Variants in NMBR observed in about 807,000 individuals in gnomAD.
The protein encoded by NMBR is neuromedin B receptor.
NMBR carries 16 observed loss-of-function variants against 20.5 expected under a neutral mutation model. The ratio of observed to expected loss-of-function variants is 0.78; its 90% CI spans 0.53 to 1.19. The LOEUF (loss-of-function observed/expected upper bound fraction) is 1.19, where lower values mean the gene tolerates loss of function less well. Ranked by LOEUF, NMBR falls within the 50% of genes most tolerant of loss-of-function variation. NMBR has a pLI of 0.00. For synonymous variants in NMBR, 212 were observed against 196.6 expected (o/e 1.08, Z -0.65); for missense variants, 582 against 499.1 (o/e 1.17, Z -1.58).
intron 1 of NMBR, among the ~76,000 whole-genome samples, chr6:142,099,463 A>T (rs1777518972): frequency 6.6e-6 from 1 of 152,128 alleles, no homozygotes; most frequent in Non-Finnish European, 1.5e-5. Flanking sequence ...AGTGCCACAC[A>T]CTTTCAAACG....
At chr6:142,118,660 T>C (rs1414119057) in intron 1 of NMBR, among the ~76,000 whole-genome samples, 1 of 151,994 alleles carries the variant, frequency 6.6e-6, no homozygotes, top group Non-Finnish European at 1.5e-5. Flanking sequence ...AGATTAAAAA[T>C]AGAAAACATT....
intron 1 of NMBR, among the ~76,000 whole-genome samples, chr6:142,105,604 C>T (rs1185094569): frequency 6.6e-6 from 1 of 152,132 alleles, no homozygotes; most frequent in Non-Finnish European, 1.5e-5. Flanking sequence ...AACATGCACA[C>T]ATTTTTATGC....
intron 1 of NMBR, among the ~76,000 whole-genome samples, chr6:142,111,472 G>A (rs577358082): frequency 1.1e-4 from 16 of 152,096 alleles, no homozygotes; most frequent in Admixed American, 5.2e-4. Flanking sequence ...ATGATTTCTC[G>A]GAATTTTCCA....
chr6:142,134,093 T>C (rs1778202132), intron 1 of NMBR: 1 of 560,666 alleles, frequency 1.8e-6, no homozygotes, highest in South Asian at 2.6e-5. Context: ...TCTCTTTAAA[T>C]GTAAAATAAT....
rs75196159 is a variant in NMBR at position 142,116,277 on chromosome 6, T to A, written c.-663-26956A>T. On this transcript the variant is annotated intron_variant, in intron 1 of 3. Transcript: ENST00000258042. ...TCACCCTCTTAGTCTCCCAAAAAGA[T>A]ACCCAAACACATATACCCACATCGA... Among the ~76,000 whole-genome samples the A allele has an allele frequency of 2.1e-3, 312 of 151,998 alleles. 1 individual carries two copies. The highest frequency in any genetic ancestry group is 7.3e-3 in the African/African-American group (301 of 41,496).
chr6:142,084,404 C>A (rs954598759), intron 2 of NMBR, among the ~76,000 whole-genome samples: 1 of 152,094 alleles, frequency 6.6e-6, no homozygotes, highest in Non-Finnish European at 1.5e-5. Context: ...TTTGGTACAA[C>A]ATTATTTTTG....
At chr6:142,142,519 T>C (rs1232402004) in intron 1 of NMBR, among the ~76,000 whole-genome samples, 1 of 152,296 alleles carries the variant, frequency 6.6e-6, no homozygotes, top group East Asian at 1.9e-4. Flanking sequence ...AAATGAGATC[T>C]ACCTAAGCTT....
intron 1 of NMBR, among the ~76,000 whole-genome samples, chr6:142,104,279 A>T (rs1258974133): frequency 1.3e-5 from 2 of 152,260 alleles, no homozygotes; most frequent in Non-Finnish European, 2.9e-5. Flanking sequence ...ATAGCTAAAC[A>T]TATTAGAATT....
intron 2 of NMBR, among the ~76,000 whole-genome samples, chr6:142,080,309 ATC>A (rs1234876653): frequency 7.8e-6 from 1 of 128,648 alleles, no homozygotes; most frequent in Non-Finnish European, 1.6e-5. Flanking sequence ...CTTGCCCTAT[ATC>A]TTTTTTTTTT....
At chr6:142,137,560 C>T (rs1778284450) in intron 1 of NMBR, among the ~76,000 whole-genome samples, 1 of 152,184 alleles carries the variant, frequency 6.6e-6, no homozygotes, top group South Asian at 2.1e-4. Context: ...GAGAGGGCAT[C>T]CCTGTCTTGT....
Position 142,111,306 on chromosome 6 carries a change from A to C in NMBR, c.-663-21985T>G, listed in dbSNP as rs140949400. Among the ~76,000 whole-genome samples, 281 of 152,150 alleles carry C rather than the reference A, an allele frequency of 1.8e-3. 1 individual carries two copies. The highest frequency in any genetic ancestry group is 5.5e-3 in the African/African-American group (227 of 41,520). On this transcript the variant is annotated intron_variant, in intron 1 of 3. Coordinates refer to ENST00000258042, the MANE Select transcript of NMBR (RefSeq NM_002511.4). ...TCACTGAGACACAGGCTTAGCCTTTATACCACCCTACACAACAAAACCTGT... is the reference window on the plus strand; with the variant it reads ...TCACTGAGACACAGGCTTAGCCTTTCTACCACCCTACACAACAAAACCTGT...
intron 1 of NMBR, among the ~76,000 whole-genome samples, chr6:142,105,003 G>A (rs1777633001): frequency 1.3e-5 from 2 of 152,136 alleles, no homozygotes; most frequent in African/African-American, 4.8e-5. Context: ...CATTCTCAAG[G>A]GCGGGAAGAA....
intron 1 of NMBR, among the ~76,000 whole-genome samples, chr6:142,114,409 T>C (rs1777817390): frequency 1.3e-5 from 2 of 152,106 alleles, no homozygotes. Flanking sequence ...ATTTTTTCAG[T>C]AATTGAATGA....
intron 2 of NMBR, among the ~76,000 whole-genome samples, chr6:142,083,877 A>G (rs146875626): frequency 0.012 from 1,873 of 152,302 alleles, 26 homozygotes; most frequent in Non-Finnish European, 0.016. Flanking sequence ...AGTAATACAA[A>G]GCTGAACAAA....
intron 3 of NMBR, among the ~76,000 whole-genome samples, chr6:142,078,237 A>T (rs1381800111): frequency 1.3e-5 from 2 of 152,204 alleles, no homozygotes; most frequent in Admixed American, 6.5e-5. Context: ...TCATATGTGA[A>T]ATTTTTCTGG....
intron 1 of NMBR, among the ~76,000 whole-genome samples, chr6:142,126,270 T>C (rs1778036560): frequency 1.3e-5 from 2 of 151,862 alleles, no homozygotes; most frequent in African/African-American, 4.8e-5. Context: ...TCTGTGTGTG[T>C]GTGTGTGTGT....
chr6:142,084,630 A>G (rs548359720), intron 2 of NMBR, among the ~76,000 whole-genome samples: 13 of 152,330 alleles, frequency 8.5e-5, no homozygotes, highest in Non-Finnish European at 1.0e-4. Flanking sequence ...ACAGTTTAGC[A>G]CTAGGAATCT....
intron 1 of NMBR, among the ~76,000 whole-genome samples, chr6:142,109,069 C>T (rs1777713469): frequency 6.6e-6 from 1 of 152,242 alleles, no homozygotes; most frequent in South Asian, 2.1e-4. Flanking sequence ...TGGGCTTCCA[C>T]AGCCTTGGGC....
At chr6:142,121,682 C>T (rs192357046) in intron 1 of NMBR, among the ~76,000 whole-genome samples, 2 of 151,746 alleles carry the variant, frequency 1.3e-5, no homozygotes, top group African/African-American at 4.8e-5. Context: ...CAACAGAAAC[C>T]TTTTATTCCC....
Sources: gnomAD v4.1 joint callset for allele counts (sites outside exome capture counted in the v4.1 genomes callset) on GRCh38, gnomAD v4.1.1 for gene constraint, MANE v1.5 for transcripts, NCBI Gene and HGNC (gene_info 2026-07-23, HGNC 2026-07-21) for gene names.